The following GRB10 variants were observed in gnomAD, a reference collection of about 807,000 sequenced individuals.
GRB10 encodes the protein growth factor receptor-bound protein 10.
In GRB10, 20 loss-of-function variants were observed where a neutral mutation model predicts 80.9. The ratio of observed to expected loss-of-function variants is 0.25; its 90% confidence interval spans 0.17 to 0.36. The LOEUF is 0.36. Among genes scored for constraint, GRB10 ranks in the 10% least tolerant of loss-of-function variants. GRB10 has a pLI of 1.00. For missense variants in GRB10, 548 were observed against 747.7 expected (o/e 0.73, Z 3.12); for synonymous variants, 291 against 291.5 (o/e 1.00, Z 0.02).
At chr7:50,740,535 G>A (rs1203025518) in intron 3 of GRB10, among the ~76,000 whole-genome samples, 4 of 152,036 alleles carry the variant, frequency 2.6e-5, no homozygotes, top group African/African-American at 9.7e-5. Flanking sequence ...TTTTTTAAAA[G>A]CTGTACCTTC....
chr7:50,763,614 G>A (rs902924282), intron 2 of GRB10, among the ~76,000 whole-genome samples: 2 of 152,208 alleles, frequency 1.3e-5, no homozygotes, highest in Admixed American at 6.5e-5. Flanking sequence ...CAACCTAAAT[G>A]TGGCTGCCCA....
intron 7 of GRB10, among the ~76,000 whole-genome samples, chr7:50,657,956 C>A (rs1322071060): frequency 2.6e-5 from 4 of 151,986 alleles, no homozygotes; most frequent in African/African-American, 9.7e-5. Flanking sequence ...GAGACTGAGG[C>A]GAGAGCCTAA....
chr7:50,721,856 G>A (rs2067802600), intron 4 of GRB10, among the ~76,000 whole-genome samples: 1 of 152,218 alleles, frequency 6.6e-6, no homozygotes, highest in African/African-American at 2.4e-5. Context: ...AAGGCTCCAT[G>A]GGGGTGTGGC....
chr7:50,705,629 G>A (rs1019447517), intron 4 of GRB10, among the ~76,000 whole-genome samples: 15 of 152,206 alleles, frequency 9.9e-5, no homozygotes, highest in African/African-American at 3.6e-4. Flanking sequence ...AAATGATCCT[G>A]ATAAACACTG....
intron 2 of GRB10, among the ~76,000 whole-genome samples, chr7:50,768,058 A>G (rs748597439): frequency 1.3e-5 from 2 of 152,160 alleles, no homozygotes; most frequent in Non-Finnish European, 2.9e-5. Context: ...CCTACCCAGC[A>G]GCCCTATGGT....
intron 3 of GRB10, among the ~76,000 whole-genome samples, chr7:50,749,094 A>C (rs1049348377): frequency 6.6e-6 from 1 of 151,242 alleles, no homozygotes; most frequent in African/African-American, 2.4e-5. Context: ...AATTCTATAT[A>C]AAATGTTGGG....
intron 7 of GRB10, among the ~76,000 whole-genome samples, chr7:50,664,352 T>C (rs1167204286): frequency 6.6e-6 from 1 of 152,060 alleles, no homozygotes; most frequent in African/African-American, 2.4e-5. Flanking sequence ...AGGAAGAAAA[T>C]GGCACCCCAC....
At chr7:50,643,546 G>A (rs73113096) in intron 7 of GRB10, among the ~76,000 whole-genome samples, 13,341 of 152,160 alleles carry the variant, frequency 0.088, 892 homozygotes, top group Non-Finnish European at 0.11. Context: ...ATAACATAAA[G>A]GATGTTTATA....
At chr7:50,597,868 C>T (rs2046936663) in intron 17 of GRB10, among the ~76,000 whole-genome samples, 1 of 152,148 alleles carries the variant, frequency 6.6e-6, no homozygotes, top group East Asian at 1.9e-4. Context: ...GGGAACAACA[C>T]CTCTTTTTTT....
At chr7:50,617,993 T>G (rs759859621) in intron 10 of GRB10, 78 bp downstream of exon 10, 1 of 1,205,230 alleles carries the variant, frequency 8.3e-7, no homozygotes, top group Non-Finnish European at 1.2e-6. Flanking sequence ...TTAGGTTTTT[T>G]ACAATGCTGC....
At chr7:50,645,614 G>C in intron 7 of GRB10, 1 of 985,252 alleles carries the variant, frequency 1.0e-6, no homozygotes, top group Non-Finnish European at 1.2e-6. Flanking sequence ...TCCTCCAATC[G>C]CCCGGAGTTC....
intron 3 of GRB10, among the ~76,000 whole-genome samples, chr7:50,754,091 C>T (rs956476311): frequency 2.0e-5 from 3 of 152,172 alleles, no homozygotes; most frequent in East Asian, 3.9e-4. Flanking sequence ...ACTGCCTGCC[C>T]GTGAGCACGG....
chr7:50,775,937 A>G (rs2077587350), intron 2 of GRB10, among the ~76,000 whole-genome samples: 1 of 152,212 alleles, frequency 6.6e-6, no homozygotes, highest in Non-Finnish European at 1.5e-5. Context: ...CAGGCAGTGA[A>G]TGCTGAGGTC....
Position 50,647,395 on chromosome 7 carries a change from G to A in GRB10, c.505-20417C>T, listed in dbSNP as rs545486491. On this transcript the variant is annotated intron_variant, in intron 7 of 18. Transcript: ENST00000401949. ...TTTTCAGATTTGAGTCAGATTGGCC[G>A]AACCTTTTCAAGCCATCTCAGGCCC... Among the ~76,000 whole-genome samples, 298 of 152,286 alleles carry A rather than the reference G, an allele frequency of 2.0e-3. 1 individual carries two copies. Among genetic ancestry groups the A allele is most frequent in the Non-Finnish European group, 3.2e-3 (215 of 68,018 alleles).
intron 13 of GRB10, among the ~76,000 whole-genome samples, chr7:50,611,060 G>C (rs1304291198): frequency 2.0e-5 from 3 of 151,696 alleles, no homozygotes; most frequent in African/African-American, 7.3e-5. Context: ...TATACAGACA[G>C]CTTCAAAAGA....
At chr7:50,629,079 C>T (rs2153594524) in intron 7 of GRB10, among the ~76,000 whole-genome samples, 1 of 152,332 alleles carries the variant, frequency 6.6e-6, no homozygotes, top group African/African-American at 2.4e-5. Flanking sequence ...TGCATGCCTT[C>T]TGCTACCCAA....
intron 2 of GRB10, among the ~76,000 whole-genome samples, chr7:50,763,132 A>AT (rs1286460221): frequency 6.6e-6 from 1 of 151,956 alleles, no homozygotes; most frequent in Admixed American, 6.6e-5. Context: ...AAAAAAAAAA[A>AT]GCCTTGGGAC....
At position 50,742,239 on chromosome 7, in the gene GRB10, G is replaced by C. The variant is rs559840054; in HGVS notation, c.-46-9871C>G. 4.9e-4 allele frequency among the ~76,000 whole-genome samples: 74 copies of C among 151,378 alleles called. 1 individual carries two copies. Among genetic ancestry groups the C allele is most frequent in the South Asian group, 1.5e-3 (7 of 4,790 alleles). On this transcript the variant is annotated intron_variant, in intron 3 of 18. Transcript: ENST00000401949. ...TTGGCTCAGTGCTTTTTATGTATTTGTCTATGTGTAAACACACGCGCACGC... is the reference window on the plus strand; with the variant it reads ...TTGGCTCAGTGCTTTTTATGTATTTCTCTATGTGTAAACACACGCGCACGC...
chr7:50,720,658 C>A (rs558663323), intron 4 of GRB10, among the ~76,000 whole-genome samples: 2 of 152,160 alleles, frequency 1.3e-5, no homozygotes, highest in South Asian at 4.2e-4. Context: ...AACATAGTTA[C>A]CACCTTAAAA....
Sources: allele counts gnomAD v4.1 joint callset (sites outside exome capture counted in the v4.1 genomes callset), GRCh38; gene constraint gnomAD v4.1.1; transcripts MANE v1.5; gene names NCBI Gene and HGNC (gene_info 2026-07-23, HGNC 2026-07-21).